CCNH: variants seen among roughly 807,000 people sequenced by gnomAD.
CCNH encodes the protein cyclin-H.
Under a neutral mutation model 41.9 loss-of-function variants are expected in CCNH, and 31 were observed. That is an observed-to-expected ratio of 0.74 (90% CI 0.56 to 1.00). The LOEUF (loss-of-function observed/expected upper bound fraction) is 1.00, where lower values mean the gene tolerates loss of function less well. CCNH is among the 50% of genes least tolerant of loss of function. CCNH has a pLI of 0.00. For missense variants in CCNH, 362 were observed against 388.4 expected, an observed-to-expected ratio of 0.93 and a Z score of 0.57; for synonymous variants, 138 against 136.1, an observed-to-expected ratio of 1.01 and a Z score of -0.10.
intron 9 of CCNH, among the ~76,000 whole-genome samples, chr5:87,337,416 T>A (rs908479699): frequency 2.6e-5 from 4 of 152,104 alleles, no homozygotes; most frequent in African/African-American, 9.6e-5. Context: ...ATAATGGGTA[T>A]CTGGGTGAAT....
At chr5:87,367,318 TTTC>T (rs1359964837) in intron 9 of CCNH, among the ~76,000 whole-genome samples, 1 of 151,944 alleles carries the variant, frequency 6.6e-6, no homozygotes, top group Non-Finnish European at 1.5e-5. Flanking sequence ...TTAATATCTT[TTTC>T]TTTATTATCA....
chr5:87,371,277 T>C (rs1760920968), downstream of CCNH, among the ~76,000 whole-genome samples: 1 of 152,000 alleles, frequency 6.6e-6, no homozygotes, highest in Non-Finnish European at 1.5e-5. Context: ...GGTTATTCTC[T>C]TCTATTTCAA....
rs1580433489 is a variant in CCNH, at chr5:87,395,024, A to C, written c.933+20T>G. 1.2e-6 allele frequency: 2 copies of C among 1,611,490 alleles called. No homozygotes were observed. Among genetic ancestry groups the C allele is most frequent in the Non-Finnish European group, 1.7e-6 (2 of 1,177,884 alleles). ...GTATAACAAAAATAACTTAGAGTTC[A>C]TCTTTGGAGTAAAACATACCTCCTC... On this transcript the variant is annotated intron_variant, in intron 8 of 8. Transcript: ENST00000256897.
chr5:87,318,305 T>TA (rs1358073178), downstream of CCNH: 3 of 152,084 alleles, frequency 2.0e-5, no homozygotes, highest in Non-Finnish European at 4.4e-5. Flanking sequence ...GGGGAACATG[T>TA]AAAAAAGTAC....
chr5:87,379,173 C>T (rs1414945422), upstream of CCNH, among the ~76,000 whole-genome samples: 1 of 152,150 alleles, frequency 6.6e-6, no homozygotes, highest in Non-Finnish European at 1.5e-5. Flanking sequence ...ACGAAGGTGT[C>T]GATTCATACT....
intron 9 of CCNH, chr5:87,383,816 A>G: frequency 3.3e-6 from 5 of 1,504,982 alleles, no homozygotes; most frequent in Non-Finnish European, 4.6e-6. Flanking sequence ...AATTCAAAAT[A>G]TTAGAATTAA....
chr5:87,338,536 A>ATATATATTTTTTTTTTTTTTTTTT, intron 9 of CCNH, among the ~76,000 whole-genome samples: 1 of 85,216 alleles, frequency 1.2e-5, no homozygotes, highest in African/African-American at 4.4e-5. Context: ...TATATATAAA[A>ATATATATTTTTTTTTTTTTTTTTT]TTTTTTTTTT....
chr5:87,336,697 G>T lies in CCNH; in HGVS notation c.*91-17800C>A, dbSNP rs61528311. Among the ~76,000 whole-genome samples the T allele has an allele frequency of 1.0e-3, 156 of 152,014 alleles. 1 individual carries two copies. The East Asian group carries it at 0.027, about 26-fold the overall frequency. The stretch of plus-strand genomic sequence containing the variant: ...ATCTCTTATGGCTACTTTTAACTAA[G>T]AAATGAAATTTACCAGTTCATGTGC... On this transcript the variant is annotated intron_variant and NMD_transcript_variant, in intron 9 of 9. Coordinates refer to the CCNH transcript ENST00000645953.
rs200031964 is a variant in CCNH at position 87,399,419 on chromosome 5, C to T, written c.847G>A (p.Ala283Thr). 1 of 1,613,514 alleles carries T rather than the reference C, an allele frequency of 6.2e-7. No individual in the cohort carries two copies. The highest frequency in any genetic ancestry group is 8.5e-7 in the Non-Finnish European group (1 of 1,179,498). Residue 283 changes from alanine (A) to threonine (T), a missense_variant, in exon 7 of 9, where the codon GCT (alanine) becomes ACT (threonine). Coordinates refer to ENST00000256897, the MANE Select transcript of CCNH (RefSeq NM_001239.4). Reference sequence around the variant, plus strand: ...GTGATTACGTTAAGTGCAAGCTCAGCAGAATGACATCGCTCCAACTTCTGT... The same window carrying T: ...GTGATTACGTTAAGTGCAAGCTCAGTAGAATGACATCGCTCCAACTTCTGT... ...LKQKLERCHSAELALNVITKK... is the reference protein window; with the variant it reads ...LKQKLERCHSTELALNVITKK...
the CCNH span, among the ~76,000 whole-genome samples, chr5:87,311,515 T>A: frequency 6.6e-6 from 1 of 152,126 alleles, no homozygotes; most frequent in East Asian, 1.9e-4. Context: ...AAGGCTACAG[T>A]TTAAAATCAG....
rs967855042 is a variant in CCNH at position 87,411,237 on chromosome 5, G to A, written c.227C>T (p.Pro76Leu). 2 of 1,611,518 alleles carry A rather than the reference G, an allele frequency of 1.2e-6. No homozygotes were observed. Among genetic ancestry groups the A allele is most frequent in the Non-Finnish European group, 1.7e-6 (2 of 1,178,920 alleles). The change falls in exon 2 of 9, where the codon CCA (proline) becomes CTA (leucine). Residue 76 changes from proline to leucine, a missense_variant. Pro to Leu is a moderately conservative substitution (Grantham distance 98). Transcript: ENST00000256897. ...ACTGTAACTTACCACAACAGATCTT[G>A]GCATTGCTGGCTTAAACACCGAACA... is the stretch of plus-strand genomic sequence containing the variant. ...EFCSVFKPAMPRSVVGTACMY... is the reference protein window; with the variant it reads ...EFCSVFKPAMLRSVVGTACMY...
At chr5:87,313,543 G>A (rs967946619), downstream of CCNH, among the ~76,000 whole-genome samples, 12 of 152,206 alleles carry the variant, frequency 7.9e-5, no homozygotes, top group African/African-American at 2.9e-4. Context: ...TCTCCCACCT[G>A]CCAGTGTCTA....
chr5:87,312,136 G>A, the CCNH span, among the ~76,000 whole-genome samples: 1 of 152,358 alleles, frequency 6.6e-6, no homozygotes, highest in South Asian at 2.1e-4. Context: ...GTAAATGATA[G>A]ACCAGTGGAT....
In CCNH at chr5:87,338,528, TA is replaced by T. The variant is rs1285597347; in HGVS notation, c.*91-19632del. Among the ~76,000 whole-genome samples, 11 of 102,512 alleles carry T rather than the reference TA, an allele frequency of 1.1e-4. 1 individual carries two copies. The highest frequency in any genetic ancestry group is 9.8e-4 in the East Asian group (3 of 3,070). The allele number at this position is 102,512 out of a possible 152,430, so 67.3% of individuals were successfully genotyped here. ...ATATATATATATATATATATATATA[TA>T]TATAAAATTTTTTTTTTTTTTAAGT... On this transcript the variant is annotated intron_variant and NMD_transcript_variant, in intron 9 of 9. Coordinates refer to the CCNH transcript ENST00000645953.
At chr5:87,329,578 G>A (rs1034338515) in intron 9 of CCNH, among the ~76,000 whole-genome samples, 2 of 152,088 alleles carry the variant, frequency 1.3e-5, no homozygotes, top group South Asian at 2.1e-4. Flanking sequence ...TCAATGGTAA[G>A]TTCAAAAGAT....
At position 87,362,730 on chromosome 5, in the gene CCNH, C is replaced by T. The variant is rs527549583; in HGVS notation, c.*90+30040G>A. 6.9e-5 allele frequency: 107 copies of T among 1,544,960 alleles called. No individual in the cohort carries two copies. In the Middle Eastern group the frequency reaches 5.0e-3, roughly 72 times the overall value. ...TAGAGACGTTGTAAATATGGAGCTC[C>T]GAACTTATTGTGATATATATTTAAT... On this transcript the variant is annotated intron_variant and NMD_transcript_variant, in intron 9 of 9. Transcript: ENST00000645953.
At chr5:87,320,689 AC>A (rs1209728737) in intron 9 of CCNH, among the ~76,000 whole-genome samples, 1 of 152,228 alleles carries the variant, frequency 6.6e-6, no homozygotes, top group East Asian at 1.9e-4. Flanking sequence ...ACTGGGAGTA[AC>A]AGTTCAACAT....
chr5:87,387,781 T>TATTTATAGTGAA (rs1034598195), downstream of CCNH, among the ~76,000 whole-genome samples: 1 of 152,324 alleles, frequency 6.6e-6, no homozygotes, highest in East Asian at 1.9e-4. Context: ...CATAGCTCCA[T>TATTTATAGTGAA]ATTTATAGTG....
intron 9 of CCNH, among the ~76,000 whole-genome samples, chr5:87,355,693 G>C (rs933954900): frequency 6.6e-6 from 1 of 152,214 alleles, no homozygotes. Flanking sequence ...GCAAAAAATA[G>C]TGACTTATGG....
Sources: gnomAD v4.1 joint callset for allele counts (sites outside exome capture counted in the v4.1 genomes callset) on GRCh38, gnomAD v4.1.1 for gene constraint, MANE v1.5 for transcripts, NCBI Gene and HGNC (gene_info 2026-07-23, HGNC 2026-07-21) for gene names.